C21orf91: variants seen among roughly 807,000 people sequenced by gnomAD.
C21orf91 encodes chromosome 21 open reading frame 91, also known as protein EURL homolog.
C21orf91 carries 26 observed loss-of-function variants against 32.9 expected under a neutral mutation model. The ratio of observed to expected loss-of-function variants is 0.79; its 90% CI spans 0.58 to 1.10. The LOEUF (loss-of-function observed/expected upper bound fraction) is 1.10, where lower values mean the gene tolerates loss of function less well. Ranked by LOEUF, C21orf91 falls within the 50% of genes least tolerant of loss-of-function variation. C21orf91 has a pLI of 0.00. For synonymous variants in C21orf91, 126 were observed against 120.4 expected (o/e 1.05, Z -0.31); for missense variants, 310 against 341.3 (o/e 0.91, Z 0.72).
intron 2 of C21orf91, among the ~76,000 whole-genome samples, chr21:17,808,176 T>C (rs1471570002): frequency 6.6e-6 from 1 of 152,226 alleles, no homozygotes; most frequent in African/African-American, 2.4e-5. Flanking sequence ...CTTGAGACAC[T>C]GCTCATGTCC....
chr21:17,818,264 T>G lies in C21orf91; in HGVS notation c.55A>C (p.Ser19Arg), dbSNP rs1213300445. 6.2e-7 allele frequency: 1 copy of G among 1,611,852 alleles called. No homozygotes were observed. The highest frequency in any genetic ancestry group is 1.3e-5 in the African/African-American group (1 of 74,900). The part of the protein sequence containing the change: ...NIDLNDDNIC[S>R]VCKLGTDKET... ...TTGTCTGTTCCCAGTTTACAAACACTGCAAATGTTGTCATCATTCAAATCA... is the reference window on the plus strand; with the variant it reads ...TTGTCTGTTCCCAGTTTACAAACACGGCAAATGTTGTCATCATTCAAATCA... Residue 19 changes from serine to arginine, a missense_variant, in exon 2 of 5, where the codon AGT becomes CGT. By Grantham distance (110) the Ser-to-Arg change is moderately radical. Transcript: ENST00000284881.
rs2257907 is a variant in C21orf91, at chr21:17,791,488, T to C, written c.*1927A>G. 52,670 of 152,114 alleles carry C rather than the reference T, an allele frequency of 0.35. 10,179 individuals carry two copies. Among genetic ancestry groups the C allele is most frequent in the African/African-American group, 0.51 (21,251 of 41,498 alleles). The allele number at this position is 152,114 out of a possible 1,614,324, so 9.4% of individuals were successfully genotyped here. A position where few individuals can be genotyped will look rare whatever the true frequency, so the allele number is the denominator to read the frequency against. ...CTCATATTCTGGAAATATGCTACTA[T>C]TGATATCAAATGCAACATATCCCCA... is the stretch of plus-strand genomic sequence containing the variant. On this transcript the variant is annotated 3_prime_UTR_variant, in exon 5 of 5. Coordinates refer to ENST00000284881, the MANE Select transcript of C21orf91 (RefSeq NM_001100420.2).
intron 2 of C21orf91, among the ~76,000 whole-genome samples, chr21:17,813,726 G>A (rs2062647553): frequency 6.6e-6 from 1 of 152,224 alleles, no homozygotes; most frequent in South Asian, 2.1e-4. Flanking sequence ...ACAAAAATCT[G>A]AAATCTGAAA....
At chr21:17,795,420 G>GT (rs2062510365) in intron 3 of C21orf91, 150 bp from the exon 4 acceptor site, 8 of 625,498 alleles carry the variant, frequency 1.3e-5, no homozygotes, top group East Asian at 5.5e-5. Context: ...ATTAACGCTC[G>GT]TAAGTGTGGA....
At chr21:17,808,195 T>A (rs1192793748) in intron 2 of C21orf91, among the ~76,000 whole-genome samples, 1 of 152,212 alleles carries the variant, frequency 6.6e-6, no homozygotes, top group Non-Finnish European at 1.5e-5. Context: ...CCCAGCCACT[T>A]CAGCTCCAGC....
chr21:17,800,923 G>A (rs1053925506), intron 2 of C21orf91, among the ~76,000 whole-genome samples: 5 of 152,090 alleles, frequency 3.3e-5, no homozygotes, highest in Non-Finnish European at 5.9e-5. Flanking sequence ...AGGATGTGGA[G>A]AAATAGGAAT....
chr21:17,793,480 A>G lies in C21orf91; in HGVS notation c.829T>C (p.Ser277Pro). 1 of 1,613,620 alleles carries G rather than the reference A, an allele frequency of 6.2e-7. No individual in the cohort carries two copies. The highest frequency in any genetic ancestry group is 8.5e-7 in the Non-Finnish European group (1 of 1,179,770). Residue 277 changes from serine (S) to proline (P), a missense_variant, in exon 5 of 5, where the codon TCT becomes CCT. Ser to Pro is a moderately conservative substitution (Grantham distance 74). Coordinates refer to ENST00000284881, the MANE Select transcript of C21orf91 (RefSeq NM_001100420.2). ...CCTACTTGCAGACATGGTAACTTAG[A>G]ACAGTTCTTCAGAAGCTGTTCGATG... Reference protein sequence around the residue: ...VAIEQLLKNCSKLPCLQVGRT... With the variant: ...VAIEQLLKNCPKLPCLQVGRT...
chr21:17,797,582 G>GAA (rs71189563), intron 2 of C21orf91, among the ~76,000 whole-genome samples: 3 of 129,004 alleles, frequency 2.3e-5, no homozygotes, highest in Non-Finnish European at 5.0e-5. Flanking sequence ...TATGTTTATT[G>GAA]AAAAAAAAAA....
Position 17,812,432 on chromosome 21 carries a change from T to C in C21orf91, c.127+5760A>G, listed in dbSNP as rs1273718824. ...TGGGAGGTGGGGTCTAATAGGTGAT[T>C]AGGTAATGAGGGCTCTGACCAAATG... On this transcript the variant is annotated intron_variant, in intron 2 of 4. Coordinates refer to ENST00000284881, the MANE Select transcript of C21orf91 (RefSeq NM_001100420.2). Among the ~76,000 whole-genome samples, 6 of 152,140 alleles carry C rather than the reference T, an allele frequency of 3.9e-5. No homozygotes were observed. In the East Asian group the frequency reaches 9.6e-4, roughly 24 times the overall value.
At chr21:17,802,035 A>G (rs1026747870) in intron 2 of C21orf91, among the ~76,000 whole-genome samples, 1 of 152,178 alleles carries the variant, frequency 6.6e-6, no homozygotes, top group East Asian at 1.9e-4. Flanking sequence ...CCCATCTGGC[A>G]TGCTATCCCC....
intron 2 of C21orf91, among the ~76,000 whole-genome samples, chr21:17,816,058 A>G (rs986486257): frequency 7.2e-5 from 11 of 152,254 alleles, no homozygotes; most frequent in Admixed American, 6.5e-4. Context: ...CACCAGATAG[A>G]GAAGAAATTA....
chr21:17,797,015 C>T lies in C21orf91; in HGVS notation c.231G>A (p.Lys77=). The change falls in exon 3 of 5, where the codon AAG becomes AAA. Residue 77 remains lysine (K), a synonymous_variant. Transcript: ENST00000284881. ...LIANQGCPRS[K]LSKSTYEEVK... ...CTTCTTCATAAGTACTTTTTGAAAG[C>T]TTAGATCGAGGACAACCCTGGTTTG... 6.2e-7 allele frequency: 1 copy of T among 1,612,994 alleles called. No individual in the cohort carries two copies. The highest frequency in any genetic ancestry group is 8.5e-7 in the Non-Finnish European group (1 of 1,179,128).
chr21:17,793,328 G>C lies in C21orf91; in HGVS notation c.*87C>G. On this transcript the variant is annotated 3_prime_UTR_variant, in exon 5 of 5. Coordinates refer to ENST00000284881, the MANE Select transcript of C21orf91 (RefSeq NM_001100420.2). ...GCAAATTTAATGACCATAAAAAAACGGACCACAACTTTCTTCAAACTTCTT... is the reference window on the plus strand; with the variant it reads ...GCAAATTTAATGACCATAAAAAAACCGACCACAACTTTCTTCAAACTTCTT... The C allele has an allele frequency of 5.9e-6, 6 of 1,020,054 alleles. No homozygotes were observed. Among genetic ancestry groups the C allele is most frequent in the Non-Finnish European group, 8.2e-6 (6 of 729,356 alleles). 63.2% of individuals were successfully genotyped at this position (1,020,054 alleles called of 1,614,324 possible).
chr21:17,798,342 A>T, intron 2 of C21orf91, among the ~76,000 whole-genome samples: 1 of 152,180 alleles, frequency 6.6e-6, no homozygotes, highest in African/African-American at 2.4e-5. Context: ...AATGTTTTTA[A>T]AAATATATAT....
chr21:17,803,245 G>T (rs530192356), intron 2 of C21orf91, among the ~76,000 whole-genome samples: 1 of 152,306 alleles, frequency 6.6e-6, no homozygotes, highest in East Asian at 1.9e-4. Context: ...TTTTGGCCAG[G>T]TGTGGTGGCT....
chr21:17,813,340 C>G (rs2062645100), intron 2 of C21orf91, among the ~76,000 whole-genome samples: 1 of 152,198 alleles, frequency 6.6e-6, no homozygotes, highest in Admixed American at 6.5e-5. Context: ...AAATTGGTCC[C>G]TGACTACTGA....
At chr21:17,804,161 G>A (rs1266026062) in intron 2 of C21orf91, among the ~76,000 whole-genome samples, 1 of 152,142 alleles carries the variant, frequency 6.6e-6, no homozygotes, top group Non-Finnish European at 1.5e-5. Flanking sequence ...CATTTGATGA[G>A]CAAGCAGTAG....
intron 2 of C21orf91, among the ~76,000 whole-genome samples, chr21:17,817,462 T>A (rs893485014): frequency 2.0e-5 from 3 of 152,130 alleles, no homozygotes; most frequent in African/African-American, 4.8e-5. Context: ...AACTCAAAAC[T>A]CAAATTACAG....
At chr21:17,815,874 G>A (rs1039581416) in intron 2 of C21orf91, among the ~76,000 whole-genome samples, 2 of 152,092 alleles carry the variant, frequency 1.3e-5, no homozygotes, top group Non-Finnish European at 2.9e-5. Context: ...TGGTCAGGCT[G>A]GTACCGAACT....
Sources: allele counts gnomAD v4.1 joint callset (sites outside exome capture counted in the v4.1 genomes callset), GRCh38; gene constraint gnomAD v4.1.1; transcripts MANE v1.5; gene names NCBI Gene and HGNC (gene_info 2026-07-23, HGNC 2026-07-21).